CSRNP3: variants seen among roughly 807,000 people sequenced by gnomAD.
CSRNP3 encodes cysteine/serine-rich nuclear protein 3.
In CSRNP3, 12 loss-of-function variants were observed where a neutral mutation model predicts 48.0. The observed-to-expected ratio is 0.25, with a 90% CI of 0.16 to 0.41. The LOEUF (loss-of-function observed/expected upper bound fraction) is 0.41, where lower values mean the gene tolerates loss of function less well. Among genes scored for constraint, CSRNP3 ranks in the 10% least tolerant of loss-of-function variants. The pLI is 1.00. For synonymous variants in CSRNP3, 263 were observed against 269.7 expected (o/e 0.98, Z 0.24); for missense variants, 580 against 724.4 (o/e 0.80, Z 2.29).
chr2:165,614,425 T>C (rs1360806853), intron 4 of CSRNP3, among the ~76,000 whole-genome samples: 1 of 152,212 alleles, frequency 6.6e-6, no homozygotes, highest in Non-Finnish European at 1.5e-5. Context: ...CCTTTATTTC[T>C]CTTGCCCAAT....
intron 3 of CSRNP3, 36 bp downstream of exon 3, chr2:165,517,997 A>C (rs916186038): frequency 3.9e-5 from 6 of 152,348 alleles, no homozygotes; most frequent in Non-Finnish European, 8.8e-5. Context: ...TCATGCTTTT[A>C]CAGATTTGGG....
chr2:165,682,674 C>T lies in CSRNP3; in HGVS notation c.*2921C>T, dbSNP rs1312116850. On this transcript the variant is annotated 3_prime_UTR_variant, in exon 7 of 7. Coordinates refer to ENST00000651982, the MANE Select transcript of CSRNP3 (RefSeq NM_001172173.2). ...AATCATTTCATTTTTAGTTCCTTTCCCAGAAAAGCTGAGAGAGCACACTGT... is the reference window on the plus strand; with the variant it reads ...AATCATTTCATTTTTAGTTCCTTTCTCAGAAAAGCTGAGAGAGCACACTGT... 6.6e-6 allele frequency: 1 copy of T among 152,018 alleles called. No homozygotes were observed. Among genetic ancestry groups the T allele is most frequent in the Non-Finnish European group, 1.5e-5 (1 of 67,992 alleles). 9.4% of individuals were successfully genotyped at this position (152,018 alleles called of 1,614,324 possible).
In CSRNP3 at chr2:165,551,846, A is replaced by G. The variant is rs193268658; in HGVS notation, c.-24+33885A>G. ...AGGCTGTGATGTCAACCTGTTTTCA[A>G]GTGAGCCAGATGCATAGAAGGAGAG... On this transcript the variant is annotated intron_variant, in intron 3 of 6. Coordinates refer to ENST00000651982, the MANE Select transcript of CSRNP3 (RefSeq NM_001172173.2). 4.1e-3 allele frequency among the ~76,000 whole-genome samples: 619 copies of G among 152,352 alleles called. 8 individuals are homozygous for G. Among genetic ancestry groups the G allele is most frequent in the Middle Eastern group, 0.024 (7 of 294 alleles).
chr2:165,670,900 A>G (rs938123602), intron 5 of CSRNP3, among the ~76,000 whole-genome samples: 6 of 151,032 alleles, frequency 4.0e-5, no homozygotes, highest in Admixed American at 2.6e-4. Context: ...TATTTTTTTG[A>G]AAAAAAAAGA....
intron 3 of CSRNP3, among the ~76,000 whole-genome samples, chr2:165,563,633 A>G (rs1245588356): frequency 6.6e-6 from 1 of 152,146 alleles, no homozygotes; most frequent in African/African-American, 2.4e-5. Flanking sequence ...AGGTTCAGAA[A>G]ACTTCAGCAC....
chr2:165,533,634 C>T (rs1212926920), intron 3 of CSRNP3, among the ~76,000 whole-genome samples: 3 of 152,072 alleles, frequency 2.0e-5, no homozygotes, highest in Non-Finnish European at 2.9e-5. Context: ...AAGCTAACCA[C>T]TGTTATTGAA....
chr2:165,533,540 C>G (rs1010402903), intron 3 of CSRNP3, among the ~76,000 whole-genome samples: 1 of 152,034 alleles, frequency 6.6e-6, no homozygotes, highest in Admixed American at 6.6e-5. Context: ...TTGAAACTTC[C>G]AGAGGTTTAT....
intron 4 of CSRNP3, among the ~76,000 whole-genome samples, chr2:165,609,072 A>G (rs1573915818): frequency 6.7e-6 from 1 of 149,802 alleles, no homozygotes; most frequent in Non-Finnish European, 1.5e-5. Flanking sequence ...GCGCCACTGC[A>G]CTCCAGCCTG....
At chr2:165,587,064 A>G (rs1367434840) in intron 3 of CSRNP3, among the ~76,000 whole-genome samples, 2 of 152,196 alleles carry the variant, frequency 1.3e-5, no homozygotes, top group Non-Finnish European at 2.9e-5. Context: ...TTTCTTGCAG[A>G]CAGAGATGGA....
intron 3 of CSRNP3, among the ~76,000 whole-genome samples, chr2:165,590,152 G>A (rs931653786): frequency 7.2e-5 from 11 of 152,130 alleles, no homozygotes; most frequent in Non-Finnish European, 1.3e-4. Context: ...CACTCTTTAA[G>A]ATGGAGAAAA....
intron 1 of CSRNP3, among the ~76,000 whole-genome samples, chr2:165,482,608 T>C (rs781553035): frequency 2.0e-5 from 3 of 152,122 alleles, no homozygotes; most frequent in Non-Finnish European, 4.4e-5. Context: ...TCACCACAAA[T>C]TCAGATTGAA....
At chr2:165,524,891 A>G (rs1684712868) in intron 3 of CSRNP3, among the ~76,000 whole-genome samples, 1 of 152,192 alleles carries the variant, frequency 6.6e-6, no homozygotes, top group Admixed American at 6.5e-5. Flanking sequence ...TGCTATAAAT[A>G]TCCACGTAGA....
intron 3 of CSRNP3, among the ~76,000 whole-genome samples, chr2:165,587,244 A>C (rs1340247693): frequency 6.6e-6 from 1 of 152,236 alleles, no homozygotes; most frequent in Non-Finnish European, 1.5e-5. Flanking sequence ...TTCTTATTTA[A>C]ATTTTGCAAT....
intron 3 of CSRNP3, among the ~76,000 whole-genome samples, chr2:165,550,027 A>G (rs1028630985): frequency 1.3e-5 from 2 of 152,164 alleles, no homozygotes; most frequent in Admixed American, 6.5e-5. Flanking sequence ...TACATGTAGG[A>G]CCTTGAATAT....
At chr2:165,571,950 C>T (rs76556303) in intron 3 of CSRNP3, among the ~76,000 whole-genome samples, 2,381 of 152,018 alleles carry the variant, frequency 0.016, 64 homozygotes, top group African/African-American at 0.055. Flanking sequence ...AAAAGAAATG[C>T]CAGCAATCTA....
At chr2:165,513,110 G>GA (rs921824318) in intron 2 of CSRNP3, among the ~76,000 whole-genome samples, 32 of 150,876 alleles carry the variant, frequency 2.1e-4, no homozygotes, top group African/African-American at 4.4e-4. Context: ...GTCTCAAAAA[G>GA]AAAAAAAAAT....
chr2:165,594,981 C>A, intron 3 of CSRNP3, 62 bp from the exon 4 acceptor site: 1 of 1,495,228 alleles, frequency 6.7e-7, no homozygotes, highest in East Asian at 2.3e-5. Flanking sequence ...ACTCTGGAGA[C>A]CTTGGCTACA....
intron 4 of CSRNP3, among the ~76,000 whole-genome samples, chr2:165,637,918 A>T (rs537680181): frequency 1.3e-5 from 2 of 152,298 alleles, no homozygotes; most frequent in South Asian, 4.1e-4. Flanking sequence ...GTACTATTAT[A>T]TAGTTGCTAC....
chr2:165,477,954 G>GT (rs1683987269), intron 1 of CSRNP3, among the ~76,000 whole-genome samples: 1 of 151,878 alleles, frequency 6.6e-6, no homozygotes, highest in Admixed American at 6.6e-5. Flanking sequence ...TCCAGCCTGG[G>GT]TGACAGAGTG....
Sources: allele counts gnomAD v4.1 joint callset (sites outside exome capture counted in the v4.1 genomes callset), GRCh38; gene constraint gnomAD v4.1.1; transcripts MANE v1.5; gene names NCBI Gene and HGNC (gene_info 2026-07-23, HGNC 2026-07-21).